Variants in SRGAP1 observed in about 807,000 individuals in gnomAD.
SRGAP1 encodes the protein SLIT-ROBO Rho GTPase-activating protein 1.
Under a neutral mutation model 121.9 loss-of-function variants are expected in SRGAP1, and 43 were observed. That is an observed-to-expected ratio of 0.35 (90% CI 0.28 to 0.46). SRGAP1 has a LOEUF of 0.46. SRGAP1 is among the 20% of genes least tolerant of loss of function. The pLI is 1.00. For synonymous variants in SRGAP1, 447 were observed against 485.4 expected (o/e 0.92, Z 1.04); for missense variants, 1,102 against 1,350.9 (o/e 0.82, Z 2.89).
intron 4 of SRGAP1, among the ~76,000 whole-genome samples, chr12:64,042,185 G>T (rs909150256): frequency 1.3e-5 from 2 of 151,910 alleles, no homozygotes; most frequent in Non-Finnish European, 1.5e-5. Context: ...GCATGAGCCA[G>T]CATACCCGGC....
At chr12:64,093,951 A>T (rs191686063) in intron 12 of SRGAP1, among the ~76,000 whole-genome samples, 79 of 152,292 alleles carry the variant, frequency 5.2e-4, no homozygotes, top group Non-Finnish European at 8.4e-4. Context: ...ATGGATTCTG[A>T]ATTGTTCTAA....
chr12:64,054,787 G>A (rs1227127287), intron 6 of SRGAP1, among the ~76,000 whole-genome samples: 1 of 151,290 alleles, frequency 6.6e-6, no homozygotes, highest in Non-Finnish European at 1.5e-5. Context: ...TGCACATTGT[G>A]CAGGTTAGTT....
intron 1 of SRGAP1, among the ~76,000 whole-genome samples, chr12:63,968,522 C>A (rs2032847939): frequency 6.6e-6 from 1 of 152,114 alleles, no homozygotes; most frequent in Non-Finnish European, 1.5e-5. Context: ...TACTTTACAC[C>A]CTGCCTGCAT....
intron 3 of SRGAP1, among the ~76,000 whole-genome samples, chr12:64,003,500 G>C (rs1386963725): frequency 7.6e-6 from 1 of 132,288 alleles, no homozygotes; most frequent in Non-Finnish European, 1.6e-5. Context: ...AAAAAAAAAA[G>C]GTATAAATGG....
chr12:63,958,137 TACTG>T (rs2032531304), intron 1 of SRGAP1, among the ~76,000 whole-genome samples: 1 of 152,198 alleles, frequency 6.6e-6, no homozygotes, highest in Admixed American at 6.5e-5. Context: ...CCAAAATTGT[TACTG>T]ACATGGCTGA....
In SRGAP1 at chr12:64,087,104, G is replaced by T. The variant is rs576735651; in HGVS notation, c.1436+78G>T. 14 of 1,141,240 alleles carry T rather than the reference G, an allele frequency of 1.2e-5. No individual in the cohort carries two copies. In the South Asian group the frequency reaches 1.9e-4, roughly 16 times the overall value. The allele number at this position is 1,141,240 out of a possible 1,614,324, so 70.7% of individuals were successfully genotyped here. ...AGAAGCAACCATTTCAATGCTGAAA[G>T]AATTAACATTTTGTTAATGAATACG... On this transcript the variant is annotated intron_variant, in intron 11 of 21. Transcript: ENST00000355086.
chr12:63,916,036 T>TC (rs1422389802), intron 1 of SRGAP1, among the ~76,000 whole-genome samples: 61 of 65,018 alleles, frequency 9.4e-4, no homozygotes, highest in East Asian at 4.4e-3. Context: ...TCTTTTCTTT[T>TC]TTTTTTTTTT....
At chr12:64,067,890 G>A (rs1421905943) in intron 8 of SRGAP1, among the ~76,000 whole-genome samples, 4 of 151,738 alleles carry the variant, frequency 2.6e-5, no homozygotes, top group Non-Finnish European at 5.9e-5. Flanking sequence ...CTGCACTCTA[G>A]CCTGGGTAAT....
At chr12:64,051,651 A>G (rs1033646061) in intron 6 of SRGAP1, among the ~76,000 whole-genome samples, 3 of 152,174 alleles carry the variant, frequency 2.0e-5, no homozygotes, top group Non-Finnish European at 4.4e-5. Context: ...TGTCTTTTCT[A>G]TATATTTAGA....
intron 15 of SRGAP1, among the ~76,000 whole-genome samples, chr12:64,107,250 A>G (rs2036359890): frequency 6.6e-6 from 1 of 152,176 alleles, no homozygotes; most frequent in Non-Finnish European, 1.5e-5. Context: ...TCAGCACTCA[A>G]GATTCCAGGG....
chr12:63,935,711 A>C (rs2031641256), intron 1 of SRGAP1, among the ~76,000 whole-genome samples: 2 of 152,222 alleles, frequency 1.3e-5, no homozygotes, highest in Non-Finnish European at 2.9e-5. Context: ...CTGAAAAATT[A>C]TTGGCTGTGT....
chr12:63,989,851 C>A, intron 2 of SRGAP1, 59 bp from the exon 3 acceptor site: 3 of 1,405,318 alleles, frequency 2.1e-6, no homozygotes, highest in South Asian at 1.3e-5. Context: ...GGTGACTTCA[C>A]TCATCTGATT....
intron 3 of SRGAP1, among the ~76,000 whole-genome samples, chr12:63,999,144 C>G (rs947148525): frequency 6.6e-6 from 1 of 152,098 alleles, no homozygotes; most frequent in Non-Finnish European, 1.5e-5. Flanking sequence ...CAGGAAGAAA[C>G]AGCATGTGTG....
Position 63,903,332 on chromosome 12 carries a change from C to T in SRGAP1, c.67+58449C>T, listed in dbSNP as rs373537499. Among the ~76,000 whole-genome samples the T allele has an allele frequency of 6.6e-5, 10 of 152,202 alleles. No individual in the cohort carries two copies. In the East Asian group the frequency reaches 1.4e-3, roughly 21 times the overall value. ...GGTTCAGGTGATCCTTCTGCCTCAGCCTCCTAAGTAGCTGGGATTGGCGTG... is the reference window on the plus strand; with the variant it reads ...GGTTCAGGTGATCCTTCTGCCTCAGTCTCCTAAGTAGCTGGGATTGGCGTG... On this transcript the variant is annotated intron_variant, in intron 1 of 21. Coordinates refer to ENST00000355086, the MANE Select transcript of SRGAP1 (RefSeq NM_020762.4).
chr12:63,856,297 A>T (rs1277023697), intron 1 of SRGAP1, among the ~76,000 whole-genome samples: 1 of 147,206 alleles, frequency 6.8e-6, no homozygotes, highest in African/African-American at 2.5e-5. Context: ...AATAAATAAA[A>T]AGATCCTCTT....
At chr12:64,137,951 T>TAAAAA (rs2036880536) in intron 21 of SRGAP1, among the ~76,000 whole-genome samples, 1 of 81,514 alleles carries the variant, frequency 1.2e-5, no homozygotes, top group African/African-American at 4.1e-5. Flanking sequence ...TTAATTGTGC[T>TAAAAA]TAAAAAAAAA....
intron 10 of SRGAP1, among the ~76,000 whole-genome samples, chr12:64,085,071 G>A (rs2035913942): frequency 6.6e-6 from 1 of 152,014 alleles, no homozygotes. Flanking sequence ...ATAGTGCTTG[G>A]GAGCTAGTAC....
chr12:63,936,320 A>T (rs991316627), intron 1 of SRGAP1, among the ~76,000 whole-genome samples: 1 of 152,188 alleles, frequency 6.6e-6, no homozygotes, highest in Non-Finnish European at 1.5e-5. Flanking sequence ...ATCAGAGACA[A>T]GTTGCCTCCC....
At chr12:63,917,002 T>G (rs1482900337) in intron 1 of SRGAP1, among the ~76,000 whole-genome samples, 1 of 152,146 alleles carries the variant, frequency 6.6e-6, no homozygotes, top group African/African-American at 2.4e-5. Flanking sequence ...ATTTCTGCTG[T>G]GGTCTCACCT....
Sources: gnomAD v4.1 joint callset for allele counts (sites outside exome capture counted in the v4.1 genomes callset) on GRCh38, gnomAD v4.1.1 for gene constraint, MANE v1.5 for transcripts, NCBI Gene and HGNC (gene_info 2026-07-23, HGNC 2026-07-21) for gene names.